Variants in CAPN2 observed in about 807,000 individuals in gnomAD.
The protein encoded by CAPN2 is calpain-2 catalytic subunit.
A neutral mutation model predicts 102.3 loss-of-function variants in CAPN2; 92 were observed. That is an observed-to-expected ratio of 0.90 (90% CI 0.76 to 1.07). The LOEUF is 1.07. Among genes scored for constraint, CAPN2 ranks in the 50% least tolerant of loss-of-function variants. The pLI is 0.00. For synonymous variants in CAPN2, 340 were observed against 355.4 expected (o/e 0.96, Z 0.49); for missense variants, 800 against 909.4 (o/e 0.88, Z 1.55).
intron 6 of CAPN2, among the ~76,000 whole-genome samples, chr1:223,750,025 A>G (rs1660847391): frequency 6.6e-6 from 1 of 152,088 alleles, no homozygotes; most frequent in Admixed American, 6.5e-5. Context: ...AAAAATTATC[A>G]AGCAACTCAA....
At chr1:223,762,014 C>CT (rs11396866) in intron 13 of CAPN2, among the ~76,000 whole-genome samples, 172 bp from the exon 14 acceptor site, 49,074 of 151,922 alleles carry the variant, frequency 0.32, 11,254 homozygotes, top group African/African-American at 0.66. Flanking sequence ...AAAAAAAAAC[C>CT]TTATATTAAT....
chr1:223,722,281 C>CTTTTTTTTTTTT (rs34894876), intron 2 of CAPN2, among the ~76,000 whole-genome samples: 11 of 85,508 alleles, frequency 1.3e-4, no homozygotes, highest in East Asian at 8.5e-4. Flanking sequence ...TTCTTTCTTT[C>CTTTTTTTTTTTT]TTTTTTTTTT....
rs1210475024 is a variant in CAPN2 at position 223,754,305 on chromosome 1, G to A, written c.1136-1175G>A. On this transcript the variant is annotated intron_variant, in intron 9 of 20. Coordinates refer to ENST00000295006, the MANE Select transcript of CAPN2 (RefSeq NM_001748.5). The surrounding 1 kb of genome is among the most constrained non-coding windows in gnomAD (Gnocchi z 4.7). ...CACCTCAAGTATGCAGCCACCAAGTGGCAGTCCCAGAGGCGCTGGGAAGGC... is the reference window on the plus strand; with the variant it reads ...CACCTCAAGTATGCAGCCACCAAGTAGCAGTCCCAGAGGCGCTGGGAAGGC... Among the ~76,000 whole-genome samples, 2 of 152,204 alleles carry A rather than the reference G, an allele frequency of 1.3e-5. No homozygotes were observed. Among genetic ancestry groups the A allele is most frequent in the African/African-American group, 2.4e-5 (1 of 41,444 alleles).
At chr1:223,764,306 T>A in intron 15 of CAPN2, 99 bp downstream of exon 15, 1 of 973,384 alleles carries the variant, frequency 1.0e-6, no homozygotes, top group Non-Finnish European at 1.7e-6. Flanking sequence ...CTGCTGTGAC[T>A]AAACCACCAC....
upstream of CAPN2, among the ~76,000 whole-genome samples, chr1:223,708,883 AG>A (rs1162412697): frequency 6.6e-6 from 1 of 151,952 alleles, no homozygotes; most frequent in Admixed American, 6.6e-5. Flanking sequence ...AGGAAGGAAA[AG>A]AAAGAAAAGA....
chr1:223,752,791 G>A lies in CAPN2; in HGVS notation c.975-5G>A. On this transcript the variant is annotated splice_region_variant and splice_polypyrimidine_tract_variant and intron_variant, in intron 8 of 20. Transcript: ENST00000295006. The stretch of plus-strand genomic sequence containing the variant: ...ACCTGTGATGATTGTCTCTGCTTTT[G>A]CCAGGATGTCTTTCAGTGACTTCCT... 6.2e-7 allele frequency: 1 copy of A among 1,613,830 alleles called. No homozygotes were observed. The highest frequency in any genetic ancestry group is 8.5e-7 in the Non-Finnish European group (1 of 1,179,820).
intron 1 of CAPN2, among the ~76,000 whole-genome samples, chr1:223,702,302 C>T (rs1659502759): frequency 2.0e-5 from 3 of 151,970 alleles, no homozygotes; most frequent in Non-Finnish European, 2.9e-5. Context: ...TGGTGCACAC[C>T]TGTAATCCCA....
intron 1 of CAPN2, among the ~76,000 whole-genome samples, chr1:223,705,285 TC>T (rs1469149606): frequency 6.6e-6 from 1 of 152,194 alleles, no homozygotes; most frequent in East Asian, 1.9e-4. Flanking sequence ...CACTGGTGAT[TC>T]TTGCACATAG....
At chr1:223,707,079 CAAAA>C (rs34249886) in intron 1 of CAPN2, among the ~76,000 whole-genome samples, 1 of 80,930 alleles carries the variant, frequency 1.2e-5, no homozygotes. Context: ...GACTCCACCT[CAAAA>C]AAAAAAAAAA....
At chr1:223,724,971 C>G (rs1456434535) in intron 2 of CAPN2, among the ~76,000 whole-genome samples, 1 of 152,114 alleles carries the variant, frequency 6.6e-6, no homozygotes, top group Admixed American at 6.6e-5. Flanking sequence ...GAGACCTTGT[C>G]TCAAAACAAA....
chr1:223,736,662 C>T (rs993596157), intron 2 of CAPN2, among the ~76,000 whole-genome samples: 3 of 152,198 alleles, frequency 2.0e-5, no homozygotes, highest in Non-Finnish European at 4.4e-5. Flanking sequence ...GTCCTTTTCA[C>T]ACGAGAGCAT....
rs768359571 is a variant in CAPN2 at position 223,761,573 on chromosome 1, A to G, written c.1530-8A>G. On this transcript the variant is annotated splice_region_variant and splice_polypyrimidine_tract_variant and intron_variant, in intron 12 of 20. Transcript: ENST00000295006. Reference sequence around the variant, plus strand: ...TTCCAGTAACACATAATTTCCTTCTATTTCCAGAGCTGTCGATGATGAAAT... The same window carrying G: ...TTCCAGTAACACATAATTTCCTTCTGTTTCCAGAGCTGTCGATGATGAAAT... 6.2e-7 allele frequency: 1 copy of G among 1,611,060 alleles called. No homozygotes were observed. The highest frequency in any genetic ancestry group is 1.3e-5 in the African/African-American group (1 of 74,746).
In CAPN2 at chr1:223,762,125, G is replaced by T. The variant is rs28370130; in HGVS notation, c.1567-61G>T. 2.8e-6 allele frequency: 4 copies of T among 1,436,700 alleles called. No individual in the cohort carries two copies. In the African/African-American group the frequency reaches 5.6e-5, roughly 20 times the overall value. The allele number at this position is 1,436,700 out of a possible 1,614,324, so 89.0% of individuals were successfully genotyped here. ...GGAGGTGGCTGCCATGGAAGGGCGG[G>T]CAGACACTTGGTGTCATGCCTCGCT... is the stretch of plus-strand genomic sequence containing the variant. On this transcript the variant is annotated intron_variant, in intron 13 of 20. Transcript: ENST00000295006.
intron 7 of CAPN2, among the ~76,000 whole-genome samples, chr1:223,751,624 C>T (rs374884805): frequency 2.0e-5 from 3 of 152,194 alleles, no homozygotes; most frequent in East Asian, 3.9e-4. Flanking sequence ...AGGCCTCAGC[C>T]GGAGGCTCCT....
intron 16 of CAPN2, among the ~76,000 whole-genome samples, chr1:223,769,390 G>A (rs1404377213): frequency 6.6e-6 from 1 of 152,084 alleles, no homozygotes; most frequent in Non-Finnish European, 1.5e-5. Context: ...CAAAGTGCTG[G>A]GATTAGAGGT....
chr1:223,768,927 G>C (rs999108509), intron 16 of CAPN2, among the ~76,000 whole-genome samples: 1 of 152,042 alleles, frequency 6.6e-6, no homozygotes, highest in Non-Finnish European at 1.5e-5. Context: ...GGATAAGATC[G>C]TCTTCTTGAT....
intron 2 of CAPN2, among the ~76,000 whole-genome samples, chr1:223,743,091 T>A (rs1660666388): frequency 6.6e-6 from 1 of 152,212 alleles, no homozygotes; most frequent in Non-Finnish European, 1.5e-5. Context: ...TGGTGCCTGC[T>A]GTGCTGAGAA....
chr1:223,747,216 G>A lies in CAPN2; in HGVS notation c.729+51G>A, dbSNP rs370577461. The A allele has an allele frequency of 3.6e-4, 559 of 1,536,064 alleles. No individual in the cohort carries two copies. In the African/African-American group the frequency reaches 4.3e-3, roughly 12 times the overall value. On this transcript the variant is annotated intron_variant, in intron 5 of 20. Coordinates refer to ENST00000295006, the MANE Select transcript of CAPN2 (RefSeq NM_001748.5). ...CTCACCCCATCTGCTCTTGCTGAAG[G>A]GAGGCTCCCACAGTGCCCAAGGGAA...
At chr1:223,738,206 G>T (rs1452240651) in intron 2 of CAPN2, among the ~76,000 whole-genome samples, 1 of 151,682 alleles carries the variant, frequency 6.6e-6, no homozygotes, top group Admixed American at 6.6e-5. Context: ...CACCCAGGCT[G>T]GAGTACAGTG....
Sources: allele counts gnomAD v4.1 joint callset (sites outside exome capture counted in the v4.1 genomes callset), GRCh38; gene constraint gnomAD v4.1.1; non-coding constraint Gnocchi (gnomAD v3.1); transcripts MANE v1.5; gene names NCBI Gene and HGNC (gene_info 2026-07-23, HGNC 2026-07-21).